The following CDH18 variants were observed in gnomAD, a reference collection of about 807,000 sequenced individuals.
The protein encoded by CDH18 is cadherin 18.
Under a neutral mutation model 67.9 loss-of-function variants are expected in CDH18, and 31 were observed. The observed-to-expected ratio is 0.46, with a 90% CI of 0.34 to 0.62. CDH18 has a LOEUF of 0.62. Among genes scored for constraint, CDH18 ranks in the 20% least tolerant of loss-of-function variants. The probability of loss-of-function intolerance (pLI) is 0.01; values close to 1 mark genes in which losing one functional copy is unlikely to be tolerated. For synonymous variants in CDH18, 362 were observed against 347.2 expected, an observed-to-expected ratio of 1.04 and a Z score of -0.48; for missense variants, 890 against 975.5, an observed-to-expected ratio of 0.91 and a Z score of 1.17.
chr5:20,375,543 T>G (rs2150091048), intron 1 of CDH18, among the ~76,000 whole-genome samples: 1 of 152,308 alleles, frequency 6.6e-6, no homozygotes, highest in Admixed American at 6.5e-5. Flanking sequence ...CCCAGTGCTT[T>G]AATCTACATA....
intron 1 of CDH18, among the ~76,000 whole-genome samples, chr5:20,269,492 T>C (rs1377304166): frequency 1.3e-5 from 2 of 152,046 alleles, no homozygotes; most frequent in Non-Finnish European, 2.9e-5. Flanking sequence ...AGTGTTTAAA[T>C]AGATAAAGAA....
chr5:20,564,269 TTTA>T (rs1484578593), intron 1 of CDH18, among the ~76,000 whole-genome samples: 3 of 148,840 alleles, frequency 2.0e-5, no homozygotes, highest in African/African-American at 7.4e-5. Context: ...GTTTTATTTA[TTTA>T]TTTATTTATT....
intron 1 of CDH18, among the ~76,000 whole-genome samples, chr5:20,352,478 C>T (rs1022055773): frequency 2.6e-5 from 4 of 151,962 alleles, no homozygotes; most frequent in African/African-American, 9.6e-5. Context: ...TACAAATTTT[C>T]TATGTACAAA....
chr5:19,608,512 C>A (rs186209401), intron 6 of CDH18, among the ~76,000 whole-genome samples: 2,867 of 151,304 alleles, frequency 0.019, 67 homozygotes, highest in African/African-American at 0.056. Context: ...GCTCCCCCCC[C>A]AAAAAAAATC....
At chr5:19,665,403 C>G (rs1757767868) in intron 5 of CDH18, among the ~76,000 whole-genome samples, 1 of 151,936 alleles carries the variant, frequency 6.6e-6, no homozygotes, top group Non-Finnish European at 1.5e-5. Context: ...TACATAGATA[C>G]TCCATGCTCA....
chr5:19,868,309 A>T (rs1440555150), intron 2 of CDH18, among the ~76,000 whole-genome samples: 1 of 152,132 alleles, frequency 6.6e-6, no homozygotes, highest in East Asian at 1.9e-4. Context: ...CTTCAGCTTT[A>T]TTTCAGATGG....
In CDH18 at chr5:20,201,968, C is replaced by T. The variant is rs116216814; in HGVS notation, c.-518+53476G>A. Among the ~76,000 whole-genome samples the T allele has an allele frequency of 8.4e-3, 1,272 of 152,236 alleles. 8 individuals carry two copies. The highest frequency in any genetic ancestry group is 0.014 in the Non-Finnish European group (942 of 68,008). The stretch of plus-strand genomic sequence containing the variant: ...AAAAATTTGAAATTGATTCCAGAAA[C>T]AGGGAGAAGTCATTACAGGCACTAC... On this transcript the variant is annotated intron_variant, in intron 2 of 14. Transcript: ENST00000507958.
chr5:20,335,036 G>T (rs1156920603), intron 1 of CDH18, among the ~76,000 whole-genome samples: 2 of 152,076 alleles, frequency 1.3e-5, no homozygotes, highest in Non-Finnish European at 2.9e-5. Flanking sequence ...CTTCTCTTTG[G>T]TTTCCTGATC....
intron 1 of CDH18, among the ~76,000 whole-genome samples, chr5:20,263,401 G>A (rs1488485622): frequency 6.6e-6 from 1 of 152,124 alleles, no homozygotes; most frequent in Non-Finnish European, 1.5e-5. Flanking sequence ...AGCATTTGTT[G>A]CCAGTGATGA....
At chr5:19,664,649 T>C (rs192719646) in intron 5 of CDH18, among the ~76,000 whole-genome samples, 38 of 152,088 alleles carry the variant, frequency 2.5e-4, no homozygotes, top group Admixed American at 7.9e-4. Context: ...CCCCTATAAT[T>C]TGGCCATCAA....
intron 11 of CDH18, among the ~76,000 whole-genome samples, chr5:19,498,753 C>A (rs969667898): frequency 1.3e-5 from 2 of 152,158 alleles, no homozygotes; most frequent in Non-Finnish European, 2.9e-5. Flanking sequence ...TAGCCAGTTC[C>A]TTAAGCTCAC....
intron 7 of CDH18, among the ~76,000 whole-genome samples, chr5:19,581,573 A>G (rs1011435571): frequency 2.0e-5 from 3 of 151,998 alleles, no homozygotes; most frequent in East Asian, 1.9e-4. Context: ...CTAAAATTCT[A>G]TTCTCCTAAC....
intron 1 of CDH18, among the ~76,000 whole-genome samples, chr5:20,308,883 A>G (rs1260769578): frequency 6.6e-6 from 1 of 152,194 alleles, no homozygotes; most frequent in Non-Finnish European, 1.5e-5. Flanking sequence ...ATTTTGTTGT[A>G]TGTAAAACTC....
intron 12 of CDH18, among the ~76,000 whole-genome samples, chr5:19,482,548 G>T (rs573101655): frequency 6.2e-4 from 94 of 152,204 alleles, no homozygotes; most frequent in African/African-American, 2.2e-3. Flanking sequence ...TGAACTAGTA[G>T]AAGTTTCTAC....
intron 1 of CDH18, among the ~76,000 whole-genome samples, chr5:20,467,838 G>A (rs1321065317): frequency 2.0e-5 from 3 of 152,066 alleles, no homozygotes; most frequent in Non-Finnish European, 4.4e-5. Flanking sequence ...GAAAAGCAAG[G>A]CGGTGATGGC....
chr5:20,523,959 G>A (rs944469539), intron 1 of CDH18, among the ~76,000 whole-genome samples: 2 of 152,236 alleles, frequency 1.3e-5, no homozygotes, highest in African/African-American at 2.4e-5. Context: ...GCAAAGTTGT[G>A]TGTGTATGCA....
chr5:20,433,044 ATTGTAT>A (rs2150178654), intron 1 of CDH18, among the ~76,000 whole-genome samples: 1 of 149,950 alleles, frequency 6.7e-6, no homozygotes, highest in East Asian at 2.0e-4. Flanking sequence ...ATATTTAGGC[ATTGTAT>A]AATGCCTAAA....
chr5:20,366,575 T>C (rs1580841209), intron 1 of CDH18, among the ~76,000 whole-genome samples: 1 of 152,344 alleles, frequency 6.6e-6, no homozygotes, highest in East Asian at 1.9e-4. Context: ...GATCAAGCTC[T>C]GTCACTTACC....
rs1450620206 is a variant in CDH18 at position 20,095,443 on chromosome 5, GAAAA to G, written c.-517-103433_-517-103430del. Among the ~76,000 whole-genome samples the G allele has an allele frequency of 1.3e-4, 8 of 62,254 alleles. 1 individual carries two copies. Among genetic ancestry groups the G allele is most frequent in the Admixed American group, 6.2e-4 (3 of 4,804 alleles). 40.8% of individuals were successfully genotyped at this position (62,254 alleles called of 152,430 possible). ...AGAAAGAAAGAAAGAAAGAAAGAAA[GAAAA>G]GAAAGAAAGAAAGAAGAAAGAAGGA... is the stretch of plus-strand genomic sequence containing the variant. On this transcript the variant is annotated intron_variant, in intron 2 of 14. Transcript: ENST00000507958.
Sources: gnomAD v4.1 joint callset for allele counts (sites outside exome capture counted in the v4.1 genomes callset) on GRCh38, gnomAD v4.1.1 for gene constraint, MANE v1.5 for transcripts, NCBI Gene and HGNC (gene_info 2026-07-23, HGNC 2026-07-21) for gene names.